The following TMEM177 variants were observed in gnomAD, a reference collection of about 807,000 sequenced individuals.
The protein encoded by TMEM177 is transmembrane protein 177.
A neutral mutation model predicts 14.2 loss-of-function variants in TMEM177; 4 were observed. That is an observed-to-expected ratio of 0.28 (90% CI 0.14 to 0.64). The LOEUF is 0.64. Ranked by LOEUF, TMEM177 falls within the 30% of genes least tolerant of loss-of-function variation. The pLI is 0.82. For missense variants in TMEM177, 344 were observed against 405.2 expected (o/e 0.85, Z 1.30); for synonymous variants, 179 against 174.5 (o/e 1.03, Z -0.20).
chr2:119,699,153 G>C, the TMEM177 span: 1 of 154,530 alleles, frequency 6.5e-6, no homozygotes, highest in African/African-American at 2.4e-5. Context: ...CCCCAGACTC[G>C]GTAATTTATA....
the TMEM177 span, among the ~76,000 whole-genome samples, chr2:119,717,462 A>G: frequency 6.6e-6 from 1 of 152,242 alleles, no homozygotes; most frequent in East Asian, 1.9e-4. Context: ...CCCTGCCCAT[A>G]GTTATGAGTG....
At chr2:119,709,953 G>A in the TMEM177 span, among the ~76,000 whole-genome samples, 11 of 152,338 alleles carry the variant, frequency 7.2e-5, no homozygotes, top group Admixed American at 2.6e-4. Context: ...AACCCATAGA[G>A]ATGGAGAGCA....
the TMEM177 span, among the ~76,000 whole-genome samples, chr2:119,697,172 C>T: frequency 1.3e-5 from 2 of 152,206 alleles, no homozygotes; most frequent in African/African-American, 2.4e-5. Flanking sequence ...CAACAAAACA[C>T]GGAACCAAAC....
the TMEM177 span, among the ~76,000 whole-genome samples, chr2:119,721,138 G>A: frequency 6.6e-6 from 1 of 152,206 alleles, no homozygotes; most frequent in Non-Finnish European, 1.5e-5. Flanking sequence ...GATGGCTCAG[G>A]ATTAAGACTG....
chr2:119,696,475 C>T, the TMEM177 span, among the ~76,000 whole-genome samples: 2 of 152,170 alleles, frequency 1.3e-5, no homozygotes, highest in Non-Finnish European at 2.9e-5. Context: ...CTGATATGTG[C>T]CAGGCTCTGT....
At chr2:119,709,771 A>G in the TMEM177 span, among the ~76,000 whole-genome samples, 2 of 152,080 alleles carry the variant, frequency 1.3e-5, no homozygotes, top group Non-Finnish European at 2.9e-5. Flanking sequence ...CTTGCAGTGA[A>G]CCGAGATCGC....
chr2:119,704,815 A>C, the TMEM177 span, among the ~76,000 whole-genome samples: 1 of 152,314 alleles, frequency 6.6e-6, no homozygotes, highest in South Asian at 2.1e-4. Context: ...CAGTGTTATA[A>C]ATCTGTAAAA....
chr2:119,696,607 G>A, the TMEM177 span, among the ~76,000 whole-genome samples: 1 of 152,230 alleles, frequency 6.6e-6, no homozygotes, highest in Non-Finnish European at 1.5e-5. Context: ...CAGGGCAGCA[G>A]TGGGACAAGG....
the TMEM177 span, among the ~76,000 whole-genome samples, chr2:119,705,266 G>A: frequency 6.6e-6 from 1 of 152,184 alleles, no homozygotes; most frequent in East Asian, 1.9e-4. Context: ...CCTGGGCACA[G>A]CCTAGCTGGG....
the TMEM177 span, among the ~76,000 whole-genome samples, chr2:119,695,013 G>A: frequency 5.9e-5 from 9 of 152,208 alleles, no homozygotes; most frequent in Admixed American, 3.3e-4. Context: ...GGGAGGCAGC[G>A]CTGCAAATTT....
Position 119,681,141 on chromosome 2 carries a change from A to G in TMEM177, c.288A>G (p.Pro96=). The part of the protein sequence containing the change: ...FTFQPVSAGF[P]RLPAGAVVGI... ...TCCAACCTGTGAGTGCAGGCTTCCC[A>G]AGACTCCCTGCTGGGGCTGTGGTGG... Residue 96 remains proline (P), a synonymous_variant, in exon 2 of 2, where the codon CCA becomes CCG. Transcript: ENST00000272521. The G allele has an allele frequency of 6.2e-7, 1 of 1,614,216 alleles. No individual in the cohort carries two copies. The highest frequency in any genetic ancestry group is 1.6e-4 in the Middle Eastern group (1 of 6,062).
downstream of TMEM177, among the ~76,000 whole-genome samples, chr2:119,684,191 C>G (rs549184744): frequency 3.3e-5 from 5 of 152,316 alleles, no homozygotes; most frequent in East Asian, 9.6e-4. Flanking sequence ...GGTTCCTGAA[C>G]TGCTCTCCCC....
downstream of TMEM177, among the ~76,000 whole-genome samples, chr2:119,684,314 CTG>C (rs367791428): frequency 2.0e-4 from 31 of 152,276 alleles, no homozygotes; most frequent in African/African-American, 7.0e-4. Context: ...CCAGGGGAAA[CTG>C]TTCACTCACA....
the TMEM177 span, among the ~76,000 whole-genome samples, chr2:119,695,260 C>A: frequency 4.6e-5 from 7 of 152,352 alleles, no homozygotes; most frequent in Admixed American, 2.0e-4. Context: ...ATCCCTCCCC[C>A]ACCTTTCACA....
At chr2:119,696,162 A>G in the TMEM177 span, among the ~76,000 whole-genome samples, 1 of 152,292 alleles carries the variant, frequency 6.6e-6, no homozygotes, top group African/African-American at 2.4e-5. Flanking sequence ...TGAGTGAGGT[A>G]TAGGCAGCCT....
chr2:119,705,990 A>ATTATATATTATATATTATATAT, the TMEM177 span, among the ~76,000 whole-genome samples: 1 of 14,606 alleles, frequency 6.8e-5, no homozygotes, highest in South Asian at 2.5e-3. Context: ...CTCTCTATAT[A>ATTATATATTATATATTATATAT]TATATATTAT....
chr2:119,715,650 G>A, the TMEM177 span, among the ~76,000 whole-genome samples: 1 of 152,202 alleles, frequency 6.6e-6, no homozygotes, highest in Admixed American at 6.5e-5. Flanking sequence ...GAGCTGTAAG[G>A]GCTCATTGCT....
the TMEM177 span, among the ~76,000 whole-genome samples, chr2:119,694,232 A>G: frequency 2.6e-5 from 4 of 151,316 alleles, no homozygotes; most frequent in Non-Finnish European, 5.9e-5. Flanking sequence ...TACCACATAC[A>G]TATCACACTT....
chr2:119,709,546 G>A, the TMEM177 span, among the ~76,000 whole-genome samples: 1 of 152,162 alleles, frequency 6.6e-6, no homozygotes, highest in Non-Finnish European at 1.5e-5. Flanking sequence ...ATTAGGCTGG[G>A]CACAGTGGCT....
Sources: allele counts gnomAD v4.1 joint callset (sites outside exome capture counted in the v4.1 genomes callset), GRCh38; gene constraint gnomAD v4.1.1; transcripts MANE v1.5; gene names NCBI Gene and HGNC (gene_info 2026-07-23, HGNC 2026-07-21).